Variants in NAALADL2 observed in about 807,000 individuals in gnomAD.
NAALADL2 encodes inactive N-acetylated-alpha-linked acidic dipeptidase-like protein 2.
Under a neutral mutation model 87.2 loss-of-function variants are expected in NAALADL2, and 76 were observed. The ratio of observed to expected loss-of-function variants is 0.87; its 90% CI spans 0.72 to 1.05. The LOEUF is 1.05. Ranked by LOEUF, NAALADL2 falls within the 50% of genes least tolerant of loss-of-function variation. NAALADL2 has a pLI of 0.00. For synonymous variants in NAALADL2, 354 were observed against 331.0 expected, an observed-to-expected ratio of 1.07 and a Z score of -0.75; for missense variants, 1,089 against 945.8, an observed-to-expected ratio of 1.15 and a Z score of -1.99.
At chr3:174,783,022 T>G (rs1680982067) in intron 3 of NAALADL2, among the ~76,000 whole-genome samples, 1 of 152,164 alleles carries the variant, frequency 6.6e-6, no homozygotes, top group Non-Finnish European at 1.5e-5. Flanking sequence ...TTGGCTGTCT[T>G]TCTTCTATTT....
At chr3:174,698,162 T>C (rs543468710) in intron 2 of NAALADL2, among the ~76,000 whole-genome samples, 3 of 152,306 alleles carry the variant, frequency 2.0e-5, no homozygotes, top group East Asian at 3.9e-4. Flanking sequence ...TATAATGTTA[T>C]TTTCCTGGGA....
chr3:174,972,575 A>G lies in NAALADL2; in HGVS notation c.43+113125A>G, dbSNP rs1011082576. ...ACCCTTATGATCTTATTTATCCTTAATTACCTCTTTAAAAGCTGTATCCCC... is the reference window on the plus strand; with the variant it reads ...ACCCTTATGATCTTATTTATCCTTAGTTACCTCTTTAAAAGCTGTATCCCC... On this transcript the variant is annotated intron_variant, in intron 1 of 13. Coordinates refer to ENST00000454872, the MANE Select transcript of NAALADL2 (RefSeq NM_207015.3). Among the ~76,000 whole-genome samples, 3 of 152,122 alleles carry G rather than the reference A, an allele frequency of 2.0e-5. No homozygotes were observed. The East Asian group carries it at 5.8e-4, about 29-fold the overall frequency.
chr3:175,502,631 G>A (rs1481917936), intron 9 of NAALADL2, among the ~76,000 whole-genome samples: 1 of 152,066 alleles, frequency 6.6e-6, no homozygotes, highest in African/African-American at 2.4e-5. Context: ...CACTGCATAT[G>A]TTGGAACTTC....
intron 2 of NAALADL2, among the ~76,000 whole-genome samples, chr3:174,729,800 A>G (rs1204157197): frequency 3.9e-5 from 6 of 152,064 alleles, no homozygotes; most frequent in South Asian, 2.1e-4. Context: ...TAGTAACATA[A>G]TAACCTCCAG....
intron 2 of NAALADL2, among the ~76,000 whole-genome samples, chr3:174,663,797 T>TC (rs1725718802): frequency 6.6e-6 from 1 of 151,196 alleles, no homozygotes; most frequent in Non-Finnish European, 1.5e-5. Flanking sequence ...TTTTTTTCTT[T>TC]TTTTTTTTGA....
chr3:174,723,755 CAAAAAAAAAAA>C (rs10663395), intron 2 of NAALADL2, among the ~76,000 whole-genome samples: 17 of 27,552 alleles, frequency 6.2e-4, no homozygotes, highest in Non-Finnish European at 9.3e-4. Flanking sequence ...GACTCCGTCT[CAAAAAAAAAAA>C]AAAAAAAAAA....
At chr3:174,566,787 T>A (rs1008687082) in intron 2 of NAALADL2, among the ~76,000 whole-genome samples, 11 of 151,718 alleles carry the variant, frequency 7.3e-5, no homozygotes, top group African/African-American at 1.9e-4. Flanking sequence ...TTTTTTTTTT[T>A]ATTTCTAAAA....
At chr3:175,124,823 A>G (rs1560058481) in intron 2 of NAALADL2, among the ~76,000 whole-genome samples, 1 of 152,030 alleles carries the variant, frequency 6.6e-6, no homozygotes. Context: ...TTGTGTCCCA[A>G]AGAAACTTTA....
chr3:174,765,150 G>C lies in NAALADL2; in HGVS notation c.-9+27404G>C, dbSNP rs1351302803. On this transcript the variant is annotated intron_variant, in intron 3 of 3. Transcript: ENST00000434257. ...CACACACACACACACACACGAGAGA[G>C]AGAGAGAGAGAGAGAGAGAGACAGA... Among the ~76,000 whole-genome samples the C allele has an allele frequency of 1.1e-3, 167 of 150,238 alleles. 3 individuals are homozygous for C. The East Asian group carries it at 0.027, about 25-fold the overall frequency.
chr3:175,458,526 GT>G (rs1722657386), intron 6 of NAALADL2, among the ~76,000 whole-genome samples: 1 of 144,566 alleles, frequency 6.9e-6, no homozygotes, highest in Non-Finnish European at 1.5e-5. Flanking sequence ...TGTTCTCTTG[GT>G]TTTATATATA....
intron 1 of NAALADL2, among the ~76,000 whole-genome samples, chr3:175,090,139 T>C (rs1463524): frequency 0.6 from 90,507 of 151,666 alleles, 27,182 homozygotes; most frequent in African/African-American, 0.67. Flanking sequence ...GAGGTGGAAT[T>C]GGACAACAAA....
intron 13 of NAALADL2, among the ~76,000 whole-genome samples, chr3:175,800,266 C>G (rs1228779011): frequency 1.3e-5 from 2 of 151,820 alleles, no homozygotes; most frequent in Non-Finnish European, 2.9e-5. Flanking sequence ...AGACCTTATA[C>G]CAGAGCATTG....
At chr3:175,119,117 A>T (rs1306077532) in intron 2 of NAALADL2, among the ~76,000 whole-genome samples, 1 of 151,370 alleles carries the variant, frequency 6.6e-6, no homozygotes, top group Non-Finnish European at 1.5e-5. Flanking sequence ...GTAAATATTG[A>T]GGCACAAGAA....
intron 11 of NAALADL2, among the ~76,000 whole-genome samples, chr3:175,628,171 T>C (rs985560904): frequency 6.6e-6 from 1 of 151,742 alleles, no homozygotes; most frequent in African/African-American, 2.4e-5. Context: ...AACCATTTGG[T>C]TCTTCACTTT....
At chr3:174,871,519 G>C (rs1269000122) in intron 1 of NAALADL2, among the ~76,000 whole-genome samples, 1 of 152,162 alleles carries the variant, frequency 6.6e-6, no homozygotes, top group Non-Finnish European at 1.5e-5. Flanking sequence ...TTTTAAATTT[G>C]TGTAACTTAA....
intron 12 of NAALADL2, among the ~76,000 whole-genome samples, chr3:175,740,056 C>T (rs1447315424): frequency 2.6e-5 from 4 of 152,008 alleles, no homozygotes; most frequent in Admixed American, 6.6e-5. Flanking sequence ...ACTTCTCAGG[C>T]GCTCCTTCCT....
chr3:175,233,196 C>T (rs1745249634), intron 2 of NAALADL2, among the ~76,000 whole-genome samples: 2 of 152,170 alleles, frequency 1.3e-5, no homozygotes, highest in South Asian at 4.1e-4. Flanking sequence ...AAACAGCTCT[C>T]TCTGTATTAT....
intron 1 of NAALADL2, among the ~76,000 whole-genome samples, chr3:174,530,735 G>A (rs1175718757): frequency 6.6e-6 from 1 of 152,120 alleles, no homozygotes; most frequent in Non-Finnish European, 1.5e-5. Context: ...CACTGAATGG[G>A]TGAATACTTA....
At chr3:174,832,788 A>G (rs76792419) in intron 3 of NAALADL2, among the ~76,000 whole-genome samples, 3,012 of 152,262 alleles carry the variant, frequency 0.02, 105 homozygotes, top group African/African-American at 0.068. Flanking sequence ...GTTTTAAAGA[A>G]AGAATTGAAG....
Sources: gnomAD v4.1 joint callset for allele counts (sites outside exome capture counted in the v4.1 genomes callset) on GRCh38, gnomAD v4.1.1 for gene constraint, MANE v1.5 for transcripts, NCBI Gene and HGNC (gene_info 2026-07-23, HGNC 2026-07-21) for gene names.